C5: variants seen among roughly 807,000 people sequenced by gnomAD.
C5 encodes the protein complement C5, also known as C3 and PZP-like alpha-2-macroglobulin domain-containing protein 4.
In C5, 140 loss-of-function variants were observed where a neutral mutation model predicts 218.8. That is an observed-to-expected ratio of 0.64 (90% CI 0.56 to 0.74). The LOEUF (loss-of-function observed/expected upper bound fraction) is 0.74. Among genes scored for constraint, C5 ranks in the 30% least tolerant of loss-of-function variants. C5 has a pLI of 0.00. For synonymous variants in C5, 614 were observed against 682.3 expected (o/e 0.90, Z 1.56); for missense variants, 1,700 against 1,969.6 (o/e 0.86, Z 2.59).
At chr9:121,028,377 A>T (rs139931348) in intron 7 of C5, among the ~76,000 whole-genome samples, 1 of 152,248 alleles carries the variant, frequency 6.6e-6, no homozygotes. Context: ...TCATGCTGCT[A>T]TAAAGACACA....
chr9:120,964,852 A>T (rs2046854760), intron 33 of C5, among the ~76,000 whole-genome samples: 1 of 152,220 alleles, frequency 6.6e-6, no homozygotes, highest in Admixed American at 6.5e-5. Context: ...TTTGTGTTTT[A>T]AATTTATCTT....
intron 8 of C5, among the ~76,000 whole-genome samples, chr9:121,026,726 CGGGGCAGCTAACCTAGTGTAGAAGAG>C (rs923937552): frequency 6.6e-5 from 10 of 152,082 alleles, no homozygotes; most frequent in Admixed American, 6.5e-4. Flanking sequence ...GCTATACAGC[CGGGGCAGCTAACCTAGTGTAGAAGAG>C]TCAGGGGAGG....
At chr9:121,058,228 TGCAGAAGG>T in the C5 span, among the ~76,000 whole-genome samples, 1 of 152,186 alleles carries the variant, frequency 6.6e-6, no homozygotes, top group Non-Finnish European at 1.5e-5. Flanking sequence ...TTGACAACCA[TGCAGAAGG>T]GTGTTATTAC....
At chr9:121,006,797 A>T in intron 19 of C5, 107 bp downstream of exon 19, 1 of 787,218 alleles carries the variant, frequency 1.3e-6, no homozygotes, top group Non-Finnish European at 2.2e-6. Flanking sequence ...ATTTTTTAAA[A>T]ATTGCTACCA....
intron 5 of C5, among the ~76,000 whole-genome samples, chr9:121,033,612 A>C (rs1164853672): frequency 6.6e-6 from 1 of 152,278 alleles, no homozygotes; most frequent in Non-Finnish European, 1.5e-5. Flanking sequence ...GATAGCAGTA[A>C]TAAAATAATA....
the C5 span, among the ~76,000 whole-genome samples, chr9:121,056,149 T>C: frequency 6.6e-6 from 1 of 152,232 alleles, no homozygotes; most frequent in East Asian, 1.9e-4. Context: ...CAAACAAGCC[T>C]GGACTATAAA....
At position 120,989,077 on chromosome 9, in the gene C5, T is replaced by C. The variant is rs377417930; in HGVS notation, c.3199A>G (p.Ser1067Gly). The C allele has an allele frequency of 6.2e-7, 1 of 1,613,820 alleles. No individual in the cohort carries two copies. The highest frequency in any genetic ancestry group is 1.1e-5 in the South Asian group (1 of 91,080). ...MSYRNADYSYSVWKGGSASTW... is the reference protein window; with the variant it reads ...MSYRNADYSYGVWKGGSASTW... The stretch of plus-strand genomic sequence containing the variant: ...CTAGCACTTCCACCCTTCCACACAC[T>C]GTAAGAGTAGTCAGCATTTCTGTAG... The change falls in exon 25 of 41, where the codon AGT becomes GGT. Residue 1067 changes from serine (S) to glycine (G), a missense_variant. Physicochemically the swap from Ser to Gly is moderately conservative, Grantham distance 56 (BLOSUM62 0). Transcript: ENST00000223642.
the C5 span, among the ~76,000 whole-genome samples, chr9:121,060,163 A>G: frequency 1.3e-5 from 2 of 152,222 alleles, no homozygotes; most frequent in Admixed American, 6.5e-5. Context: ...ATCAATGCTT[A>G]TAATTAGCAA....
chr9:120,952,652 T>A lies in C5; in HGVS notation c.*87A>T. 1 of 1,342,124 alleles carries A rather than the reference T, an allele frequency of 7.5e-7. No individual in the cohort carries two copies. The allele number at this position is 1,342,124 out of a possible 1,614,324, so 83.1% of individuals were successfully genotyped here. On this transcript the variant is annotated 3_prime_UTR_variant, in exon 41 of 41. Coordinates refer to ENST00000223642, the MANE Select transcript of C5 (RefSeq NM_001735.3). ...CTTTACAAATAAGACCAGCTATGAATGTTTAAAAAAAGAAGAAAACAAAAA... is the reference window on the plus strand; with the variant it reads ...CTTTACAAATAAGACCAGCTATGAAAGTTTAAAAAAAGAAGAAAACAAAAA...
intron 37 of C5, 24 bp downstream of exon 37, chr9:120,961,458 C>T (rs372017624): frequency 6.0e-6 from 9 of 1,501,628 alleles, no homozygotes; most frequent in Middle Eastern, 1.7e-4. Flanking sequence ...AGCATGCAGC[C>T]TAAATATGTT....
chr9:120,953,943 T>C (rs2046766771), intron 39 of C5, 75 bp from the exon 40 acceptor site: 7 of 1,496,300 alleles, frequency 4.7e-6, no homozygotes, highest in Non-Finnish European at 6.5e-6. Context: ...TCAAGTTTTC[T>C]GGTTCCTCGT....
At chr9:120,975,746 C>G (rs569740356) in intron 29 of C5, among the ~76,000 whole-genome samples, 5 of 152,292 alleles carry the variant, frequency 3.3e-5, no homozygotes, top group Admixed American at 1.3e-4. Flanking sequence ...GACCCAGAAC[C>G]ATGAGGTAAT....
At chr9:120,981,475 T>C (rs948597029) in intron 27 of C5, among the ~76,000 whole-genome samples, 1 of 152,204 alleles carries the variant, frequency 6.6e-6, no homozygotes, top group Non-Finnish European at 1.5e-5. Flanking sequence ...AGGATAACAG[T>C]AACATATAAA....
rs1347349553 is a variant in C5 at position 121,034,818 on chromosome 9, A to T, written c.569T>A (p.Ile190Asn). 1 of 1,561,026 alleles carries T rather than the reference A, an allele frequency of 6.4e-7. No individual in the cohort carries two copies. The highest frequency in any genetic ancestry group is 8.8e-7 in the Non-Finnish European group (1 of 1,132,618). ...TTTTACATACCTAGGATTAGACGGA[A>T]TCTTGAAGTCAGGAAAAGAGATAAT... ...IGIISFPDFK[I>N]PSNPRYGMWT... is the part of the protein sequence containing the mutation. The change falls in exon 5 of 41, where the codon ATT becomes AAT. Residue 190 changes from isoleucine (I) to asparagine (N), a missense_variant. Coordinates refer to ENST00000223642, the MANE Select transcript of C5 (RefSeq NM_001735.3).
At chr9:121,025,675 T>C (rs1270900925) in intron 8 of C5, 95 bp from the exon 9 acceptor site, 1 of 1,206,878 alleles carries the variant, frequency 8.3e-7, no homozygotes, top group Non-Finnish European at 1.2e-6. Context: ...AAATTGAAGG[T>C]AAATGTCAGA....
In C5 at chr9:120,969,091, G is replaced by C; in HGVS notation, c.4190C>G (p.Ser1397Cys). The change falls in exon 33 of 41, where the codon TCT becomes TGT. Residue 1397 changes from serine to cysteine, a missense_variant. Coordinates refer to ENST00000223642, the MANE Select transcript of C5 (RefSeq NM_001735.3). ...EASHYRGYGN[S>C]DYKRIVACAS... ...ACATGCTACTATGCGTTTGTAATCA[G>C]AGTTTCCGTAGCCTCTGTAGTGGGA... The C allele has an allele frequency of 6.2e-7, 1 of 1,614,024 alleles. No homozygotes were observed. The highest frequency in any genetic ancestry group is 8.5e-7 in the Non-Finnish European group (1 of 1,179,932).
intron 17 of C5, among the ~76,000 whole-genome samples, chr9:121,009,460 G>C (rs1387047326): frequency 3.3e-5 from 5 of 152,230 alleles, no homozygotes; most frequent in African/African-American, 1.2e-4. Flanking sequence ...AGTTTTGCAA[G>C]GCCAACTTGT....
At chr9:120,973,252 T>C (rs1412342151) in intron 30 of C5, among the ~76,000 whole-genome samples, 1 of 152,100 alleles carries the variant, frequency 6.6e-6, no homozygotes, top group African/African-American at 2.4e-5. Context: ...AAGAGGCCTC[T>C]TACAGCATTA....
At chr9:120,996,209 A>T in intron 22 of C5, 31 bp downstream of exon 22, 1 of 1,468,162 alleles carries the variant, frequency 6.8e-7, no homozygotes, top group Non-Finnish European at 9.6e-7. Context: ...AGCAAAAGAT[A>T]ACATATAAAA....
Sources: allele counts gnomAD v4.1 joint callset (sites outside exome capture counted in the v4.1 genomes callset), GRCh38; gene constraint gnomAD v4.1.1; transcripts MANE v1.5; gene names NCBI Gene and HGNC (gene_info 2026-07-23, HGNC 2026-07-21).